Variants in ULK4 observed in about 807,000 individuals in gnomAD.
ULK4 encodes the protein unc-51 like kinase 4, also known as inactive serine/threonine-protein kinase ULK4.
ULK4 carries 133 observed loss-of-function variants against 160.6 expected under a neutral mutation model. That is an observed-to-expected ratio of 0.83 (90% CI 0.72 to 0.96). The LOEUF is 0.96. ULK4 is among the 40% of genes least tolerant of loss of function. The pLI is 0.00. For missense variants in ULK4, 1,580 were observed against 1,499.5 expected, an observed-to-expected ratio of 1.05 and a Z score of -0.89; for synonymous variants, 534 against 539.8, an observed-to-expected ratio of 0.99 and a Z score of 0.15.
At chr3:41,354,355 G>A (rs1018620008) in intron 35 of ULK4, among the ~76,000 whole-genome samples, 2 of 152,078 alleles carry the variant, frequency 1.3e-5, no homozygotes, top group African/African-American at 2.4e-5. Flanking sequence ...CTTGAATAAC[G>A]TGACAGGGGC....
intron 2 of ULK4, among the ~76,000 whole-genome samples, chr3:41,944,418 C>T (rs1700052745): frequency 6.6e-6 from 1 of 152,124 alleles, no homozygotes; most frequent in Admixed American, 6.6e-5. Context: ...CCAGTCTGGG[C>T]TACAGAGTGA....
rs10524611 is a variant in ULK4 at position 41,935,209 on chromosome 3, ATTTTTTTTTTT to A, written c.378+581_378+591del. On this transcript the variant is annotated intron_variant, in intron 4 of 36. Coordinates refer to ENST00000301831, the MANE Select transcript of ULK4 (RefSeq NM_017886.4). ...TTTTTGTGTTTTTATTTATTTATTT[ATTTTTTTTTTT>A]TTTTTTTTTTTTTTTTTTTTTTTTT... Among the ~76,000 whole-genome samples, 224 of 135,552 alleles carry A rather than the reference ATTTTTTTTTTT, an allele frequency of 1.7e-3. 4 individuals are homozygous for A. Among genetic ancestry groups the A allele is most frequent in the African/African-American group, 5.2e-3 (160 of 30,590 alleles). The allele number at this position is 135,552 out of a possible 152,430, so 88.9% of individuals were successfully genotyped here.
At chr3:41,506,751 C>A (rs1383752231) in intron 32 of ULK4, among the ~76,000 whole-genome samples, 1 of 16,570 alleles carries the variant, frequency 6.0e-5, no homozygotes, top group Non-Finnish European at 2.1e-4. Context: ...AAGCAATACA[C>A]TGGAGTGTGA....
At chr3:41,593,724 A>G (rs1432167310) in intron 31 of ULK4, among the ~76,000 whole-genome samples, 1 of 152,034 alleles carries the variant, frequency 6.6e-6, no homozygotes, top group African/African-American at 2.4e-5. Flanking sequence ...TAAATGTACC[A>G]CTCGTGTAAA....
At chr3:41,900,296 A>G (rs183391129) in intron 13 of ULK4, among the ~76,000 whole-genome samples, 311 of 152,168 alleles carry the variant, frequency 2.0e-3, no homozygotes, top group African/African-American at 7.1e-3. Context: ...CTGCCTGCCC[A>G]GCCCAGCCTG....
chr3:41,870,500 A>T (rs1355436782), intron 17 of ULK4, among the ~76,000 whole-genome samples: 1 of 152,176 alleles, frequency 6.6e-6, no homozygotes, highest in Non-Finnish European at 1.5e-5. Flanking sequence ...CGTCCATCCA[A>T]TAAGTGTTTT....
intron 8 of ULK4, among the ~76,000 whole-genome samples, chr3:41,914,509 G>C (rs542791863): frequency 6.6e-6 from 1 of 152,284 alleles, no homozygotes; most frequent in South Asian, 2.1e-4. Context: ...TGCAGGAAAT[G>C]TATCAAACTT....
intron 35 of ULK4, among the ~76,000 whole-genome samples, chr3:41,344,789 A>AT (rs1474059423): frequency 6.6e-6 from 1 of 151,448 alleles, no homozygotes; most frequent in Non-Finnish European, 1.5e-5. Context: ...AAATTGACAA[A>AT]TGGGATCTAA....
At chr3:41,558,485 C>T (rs570864091) in intron 32 of ULK4, among the ~76,000 whole-genome samples, 2 of 152,132 alleles carry the variant, frequency 1.3e-5, no homozygotes, top group African/African-American at 4.8e-5. Context: ...TGGCAGATCA[C>T]CTGAGGTCAG....
intron 32 of ULK4, among the ~76,000 whole-genome samples, chr3:41,534,050 A>C (rs2086409402): frequency 6.6e-6 from 1 of 151,988 alleles, no homozygotes; most frequent in African/African-American, 2.4e-5. Context: ...TCATGATCCA[A>C]CCGCCTCGGC....
At chr3:41,431,518 C>T (rs2082906828) in intron 34 of ULK4, among the ~76,000 whole-genome samples, 1 of 135,996 alleles carries the variant, frequency 7.4e-6, no homozygotes, top group African/African-American at 2.8e-5. Context: ...GCCTTCTCAA[C>T]AATCCTGTGA....
At chr3:41,951,934 C>A (rs933004492) in intron 2 of ULK4, among the ~76,000 whole-genome samples, 9 of 152,204 alleles carry the variant, frequency 5.9e-5, no homozygotes, top group Non-Finnish European at 1.0e-4. Context: ...TCCTGGACTT[C>A]CCAGCCCCAA....
intron 34 of ULK4, among the ~76,000 whole-genome samples, chr3:41,447,095 A>T (rs2125863076): frequency 6.7e-6 from 1 of 149,062 alleles, no homozygotes; most frequent in African/African-American, 2.5e-5. Flanking sequence ...AAAAAAAAAA[A>T]AAAAAAAAAA....
At chr3:41,306,558 T>TC (rs2079942249) in intron 35 of ULK4, among the ~76,000 whole-genome samples, 1 of 149,398 alleles carries the variant, frequency 6.7e-6, no homozygotes, top group Admixed American at 6.6e-5. Context: ...AGCCACCCCG[T>TC]CCGGGAGGTG....
chr3:41,881,075 G>A (rs1697499016), intron 17 of ULK4, among the ~76,000 whole-genome samples: 1 of 152,002 alleles, frequency 6.6e-6, no homozygotes, highest in Non-Finnish European at 1.5e-5. Context: ...TTATCTACAA[G>A]CACCCAATTG....
intron 29 of ULK4, among the ~76,000 whole-genome samples, chr3:41,668,514 C>A (rs906988275): frequency 6.6e-6 from 1 of 152,140 alleles, no homozygotes; most frequent in Admixed American, 6.5e-5. Flanking sequence ...CTGGGAGCAA[C>A]AGGCTATACC....
intron 1 of ULK4, among the ~76,000 whole-genome samples, chr3:41,957,336 C>G (rs780189447): frequency 4.4e-4 from 66 of 151,152 alleles, no homozygotes; most frequent in Middle Eastern, 3.4e-3. Context: ...CGCTTGTAAT[C>G]CCAGCTACTC....
At chr3:41,751,115 C>G (rs1485104595) in intron 22 of ULK4, among the ~76,000 whole-genome samples, 2 of 152,122 alleles carry the variant, frequency 1.3e-5, no homozygotes, top group African/African-American at 2.4e-5. Flanking sequence ...TGGGCTGGGA[C>G]AAATCTCTGC....
chr3:41,872,070 A>G (rs1697115276), intron 17 of ULK4, among the ~76,000 whole-genome samples: 1 of 152,156 alleles, frequency 6.6e-6, no homozygotes, highest in Admixed American at 6.5e-5. Flanking sequence ...TGCTTTTGTT[A>G]GTACCAGTCT....
Sources: gnomAD v4.1 joint callset for allele counts (sites outside exome capture counted in the v4.1 genomes callset) on GRCh38, gnomAD v4.1.1 for gene constraint, MANE v1.5 for transcripts, NCBI Gene and HGNC (gene_info 2026-07-23, HGNC 2026-07-21) for gene names.